NUP188: variants seen among roughly 807,000 people sequenced by gnomAD.
NUP188 encodes nucleoporin 188, also known as nucleoporin NUP188.
A neutral mutation model predicts 223.0 loss-of-function variants in NUP188; 97 were observed. That is an observed-to-expected ratio of 0.43 (90% confidence interval 0.37 to 0.51). The LOEUF (loss-of-function observed/expected upper bound fraction) is 0.51. NUP188 is among the 20% of genes least tolerant of loss of function. The probability of loss-of-function intolerance (pLI) is 0.00; values close to 1 mark genes in which losing one functional copy is unlikely to be tolerated. For synonymous variants in NUP188, 869 were observed against 828.0 expected (o/e 1.05, Z -0.85); for missense variants, 1,947 against 2,175.6 (o/e 0.89, Z 2.09).
intron 24 of NUP188, among the ~76,000 whole-genome samples, chr9:128,988,648 G>T (rs1419261023): frequency 6.8e-6 from 1 of 147,428 alleles, no homozygotes; most frequent in Non-Finnish European, 1.5e-5. Flanking sequence ...AATCCAAAAT[G>T]TTCCAGTGAG....
At position 128,986,648 on chromosome 9, in the gene NUP188, T is replaced by C. The variant is rs1474060006; in HGVS notation, c.2167T>C (p.Tyr723His). Residue 723 changes from tyrosine to histidine, a missense_variant, in exon 21 of 44, where the codon TAC (tyrosine) becomes CAC (histidine). This residue lies in a region of NUP188 where 225 missense variants were observed against 319.1 expected (regional missense o/e 0.71). Transcript: ENST00000372577. Reference protein sequence around the residue: ...EMLPSYHKWRYNSHGVREQIG... With the variant: ...EMLPSYHKWRHNSHGVREQIG... ...GCTTCCCAGCTACCATAAGTGGCGC[T>C]ACAACTCTCATGGAGTGAGGGAACA... The C allele has an allele frequency of 6.2e-7, 1 of 1,614,212 alleles. No homozygotes were observed.
At position 128,957,031 on chromosome 9, in the gene NUP188, A is replaced by G; in HGVS notation, c.326A>G (p.Lys109Arg). 1.2e-6 allele frequency: 2 copies of G among 1,603,910 alleles called. No homozygotes were observed. The highest frequency in any genetic ancestry group is 1.7e-6 in the Non-Finnish European group (2 of 1,173,446). The change falls in exon 5 of 44, where the codon AAG becomes AGG. Residue 109 changes from lysine to arginine, a missense_variant and splice_region_variant. Coordinates refer to ENST00000372577, the MANE Select transcript of NUP188 (RefSeq NM_015354.3). ...TACAGGGGTACTCGGGACTCAGTAAAGGTTTGTGGTTTATGTCAGCTCCTT... is the reference window on the plus strand; with the variant it reads ...TACAGGGGTACTCGGGACTCAGTAAGGGTTTGTGGTTTATGTCAGCTCCTT... ...EDYRGTRDSV[K>R]TVLQDERQSQ...
intron 3 of NUP188, among the ~76,000 whole-genome samples, chr9:128,955,159 C>T (rs1588268767): frequency 6.6e-6 from 1 of 152,106 alleles, no homozygotes. Context: ...CCAAGCTACC[C>T]TTCTTACCAC....
At chr9:128,955,711 TCA>T (rs1841859573) in intron 3 of NUP188, among the ~76,000 whole-genome samples, 1 of 152,280 alleles carries the variant, frequency 6.6e-6, no homozygotes, top group East Asian at 1.9e-4. Context: ...GTACTTCTTT[TCA>T]CTATAAGATG....
At position 128,981,245 on chromosome 9, in the gene NUP188, G is replaced by A. The variant is rs766771690; in HGVS notation, c.1390-19G>A. 4 of 1,610,486 alleles carry A rather than the reference G, an allele frequency of 2.5e-6. No homozygotes were observed. The highest frequency in any genetic ancestry group is 3.4e-6 in the Non-Finnish European group (4 of 1,178,776). On this transcript the variant is annotated intron_variant, in intron 14 of 43. Coordinates refer to ENST00000372577, the MANE Select transcript of NUP188 (RefSeq NM_015354.3). The stretch of plus-strand genomic sequence containing the variant: ...TTATCCTGGAGGGAAATGTGTGATG[G>A]TTTTTTCTGTTTTGGCAGGTGTATA...
At chr9:129,004,887 C>G (rs1196943762) in intron 38 of NUP188, 1 of 545,634 alleles carries the variant, frequency 1.8e-6, no homozygotes, top group Admixed American at 3.2e-5. Context: ...GCCCTGCTGG[C>G]CCAAGTTTGT....
intron 24 of NUP188, among the ~76,000 whole-genome samples, chr9:128,989,615 C>T (rs541354118): frequency 2.0e-4 from 31 of 152,066 alleles, no homozygotes; most frequent in African/African-American, 6.8e-4. Context: ...GGGTGGATCA[C>T]TTGAGGTCGG....
chr9:128,987,478 C>G (rs1374226080), intron 22 of NUP188, 111 bp from the exon 23 acceptor site: 12 of 995,484 alleles, frequency 1.2e-5, no homozygotes, highest in Middle Eastern at 3.2e-4. Context: ...GAGAGCTGGT[C>G]TCCAGTGTCC....
At position 128,999,546 on chromosome 9, in the gene NUP188, T is replaced by A. The variant is rs914641432; in HGVS notation, c.3662-78T>A. 4 of 1,466,904 alleles carry A rather than the reference T, an allele frequency of 2.7e-6. No homozygotes were observed. In the African/African-American group the frequency reaches 5.5e-5, roughly 20 times the overall value. 90.9% of individuals were successfully genotyped at this position (1,466,904 alleles called of 1,614,324 possible). Reference sequence around the variant, plus strand: ...GCGCCCTAGTACATCTCCAGCCCCTTCCTAGGAAGGAAACCTTGGTGTACA... The same window carrying A: ...GCGCCCTAGTACATCTCCAGCCCCTACCTAGGAAGGAAACCTTGGTGTACA... On this transcript the variant is annotated intron_variant, in intron 33 of 43. Coordinates refer to ENST00000372577, the MANE Select transcript of NUP188 (RefSeq NM_015354.3).
intron 36 of NUP188, 106 bp downstream of exon 36, chr9:129,002,082 C>G (rs1842681799): frequency 4.7e-6 from 4 of 850,186 alleles, no homozygotes; most frequent in Non-Finnish European, 7.7e-6. Flanking sequence ...CTCTAAATTG[C>G]CTAATACACT....
intron 36 of NUP188, 142 bp downstream of exon 36, chr9:129,002,118 C>G (rs1842682436): frequency 4.4e-6 from 3 of 680,530 alleles, no homozygotes; most frequent in Non-Finnish European, 7.7e-6. Flanking sequence ...TCCCTGCCCC[C>G]AGGCGGATCT....
intron 25 of NUP188, 157 bp from the exon 26 acceptor site, chr9:128,993,040 G>A (rs189518878): frequency 2.7e-5 from 17 of 626,912 alleles, no homozygotes; most frequent in Non-Finnish European, 4.0e-5. Flanking sequence ...GGCATCTCAT[G>A]CTTGTTTGTG....
At chr9:128,987,851 C>G (rs1268583775) in intron 23 of NUP188, 134 bp downstream of exon 23, 3 of 1,259,980 alleles carry the variant, frequency 2.4e-6, no homozygotes, top group Admixed American at 2.1e-5. Context: ...CCTTTACATA[C>G]CCTAGTGGCT....
chr9:128,981,207 G>T, intron 14 of NUP188, 57 bp from the exon 15 acceptor site: 1 of 1,591,466 alleles, frequency 6.3e-7, no homozygotes, highest in Non-Finnish European at 8.6e-7. Context: ...CAGACTGTGG[G>T]ACCTCTCCTT....
chr9:128,978,779 G>A (rs1317131983), intron 12 of NUP188, among the ~76,000 whole-genome samples: 4 of 151,976 alleles, frequency 2.6e-5, no homozygotes, highest in East Asian at 3.9e-4. Context: ...GCATGATCTC[G>A]GCTCACTGCT....
At position 128,993,285 on chromosome 9, in the gene NUP188, A is replaced by T; in HGVS notation, c.2729A>T (p.Glu910Val). ...CTGACCCGATTGCAGAGCAAAATTG[A>T]GGACATGCGCATCAAAGTCATGATT... ...AFLTRLQSKI[E>V]DMRIKVMILE... Residue 910 changes from glutamate to valine, a missense_variant, in exon 26 of 44, where the codon GAG becomes GTG. By Grantham distance (121) the Glu-to-Val change is moderately radical. Coordinates refer to ENST00000372577, the MANE Select transcript of NUP188 (RefSeq NM_015354.3). The T allele has an allele frequency of 6.2e-7, 1 of 1,614,174 alleles. No homozygotes were observed. The highest frequency in any genetic ancestry group is 8.5e-7 in the Non-Finnish European group (1 of 1,180,006).
At position 129,006,362 on chromosome 9, in the gene NUP188, T is replaced by G; in HGVS notation, c.5067T>G (p.Ser1689=). The change falls in exon 43 of 44, where the codon TCT becomes TCG. Residue 1689 remains serine, a synonymous_variant. Coordinates refer to ENST00000372577, the MANE Select transcript of NUP188 (RefSeq NM_015354.3). ...DKQRMKQELS[S]ELSTLLSSLS... is the part of the protein sequence containing the mutation. Reference sequence around the variant, plus strand: ...AGCGGATGAAGCAGGAGCTCAGCTCTGAGTTGGTACGGATGGATAGGGATA... The same window carrying G: ...AGCGGATGAAGCAGGAGCTCAGCTCGGAGTTGGTACGGATGGATAGGGATA... 1 of 1,614,116 alleles carries G rather than the reference T, an allele frequency of 6.2e-7. No individual in the cohort carries two copies. Among genetic ancestry groups the G allele is most frequent in the Non-Finnish European group, 8.5e-7 (1 of 1,180,000 alleles).
Position 128,984,965 on chromosome 9 carries a change from A to G in NUP188, c.2027A>G (p.Glu676Gly). 1 of 1,613,806 alleles carries G rather than the reference A, an allele frequency of 6.2e-7. No homozygotes were observed. The highest frequency in any genetic ancestry group is 2.2e-5 in the East Asian group (1 of 44,840). ...LLMNSEQPQG[E>G]YGVTIAFLRL... ...ATGAACAGTGAACAGCCTCAGGGCG[A>G]GTATGGGGTTACTATTGCCTTTCTG... is the stretch of plus-strand genomic sequence containing the variant. The change falls in exon 20 of 44, where the codon GAG (glutamate) becomes GGG (glycine). Residue 676 changes from glutamate (E) to glycine (G), a missense_variant. Glu to Gly is a moderately conservative substitution (Grantham distance 98, BLOSUM62 -2). Coordinates refer to ENST00000372577, the MANE Select transcript of NUP188 (RefSeq NM_015354.3).
At chr9:128,993,908 T>A (rs1434406720) in intron 27 of NUP188, among the ~76,000 whole-genome samples, 1 of 152,208 alleles carries the variant, frequency 6.6e-6, no homozygotes, top group Non-Finnish European at 1.5e-5. Context: ...TTCAGTTGCT[T>A]TTGTGTTCCT....
Sources: gnomAD v4.1 joint callset for allele counts (sites outside exome capture counted in the v4.1 genomes callset) on GRCh38, gnomAD v4.1.1 for gene constraint, gnomAD v4.1.1 regional missense constraint, MANE v1.5 for transcripts, NCBI Gene and HGNC (gene_info 2026-07-23, HGNC 2026-07-21) for gene names.